The following NTRK3 variants were observed in gnomAD, a reference collection of about 807,000 sequenced individuals.
NTRK3 encodes the protein NT-3 growth factor receptor.
Under a neutral mutation model 91.7 loss-of-function variants are expected in NTRK3, and 24 were observed. That is an observed-to-expected ratio of 0.26 (90% CI 0.19 to 0.37). The LOEUF (loss-of-function observed/expected upper bound fraction) is 0.37. Ranked by LOEUF, NTRK3 falls within the 10% of genes least tolerant of loss-of-function variation. The probability of loss-of-function intolerance (pLI) is 1.00; values close to 1 mark genes in which losing one functional copy is unlikely to be tolerated. For synonymous variants in NTRK3, 483 were observed against 404.0 expected, an observed-to-expected ratio of 1.20 and a Z score of -2.34; for missense variants, 880 against 1,068.9, an observed-to-expected ratio of 0.82 and a Z score of 2.46.
At chr15:88,108,872 C>T (rs1275773355) in intron 13 of NTRK3, among the ~76,000 whole-genome samples, 2 of 152,220 alleles carry the variant, frequency 1.3e-5, no homozygotes, top group Non-Finnish European at 2.9e-5. Flanking sequence ...TGCATCATAA[C>T]AAGATCCCCA....
intron 14 of NTRK3, among the ~76,000 whole-genome samples, chr15:88,012,981 G>C (rs1002034037): frequency 9.2e-5 from 14 of 152,168 alleles, no homozygotes; most frequent in African/African-American, 3.4e-4. Context: ...GAAGAACAAC[G>C]GTCTTCTGAA....
At chr15:87,906,400 A>G (rs1160753938) in intron 17 of NTRK3, among the ~76,000 whole-genome samples, 1 of 152,176 alleles carries the variant, frequency 6.6e-6, no homozygotes, top group Non-Finnish European at 1.5e-5. Context: ...GTCAGAGATT[A>G]AGGGACTTTC....
chr15:87,981,121 C>T, intron 14 of NTRK3: 2 of 1,534,344 alleles, frequency 1.3e-6, no homozygotes, highest in Non-Finnish European at 8.8e-7. Context: ...GTACCTCAGT[C>T]CACGAAATAT....
At chr15:88,209,289 C>T (rs555835257) in intron 3 of NTRK3, among the ~76,000 whole-genome samples, 33 of 152,250 alleles carry the variant, frequency 2.2e-4, no homozygotes, top group African/African-American at 7.5e-4. Context: ...GGCCAGCTGT[C>T]GGGGTCCTAA....
intron 13 of NTRK3, among the ~76,000 whole-genome samples, chr15:88,057,176 A>G (rs1348562522): frequency 1.3e-5 from 2 of 150,002 alleles, no homozygotes; most frequent in Admixed American, 1.3e-4. Flanking sequence ...CTCAAAAAAA[A>G]AAAAAAAGAA....
At chr15:87,923,405 G>A (rs1304260091) in intron 17 of NTRK3, among the ~76,000 whole-genome samples, 1 of 152,172 alleles carries the variant, frequency 6.6e-6, no homozygotes, top group Non-Finnish European at 1.5e-5. Flanking sequence ...GACATAGATA[G>A]ATGCCTAGCA....
chr15:88,206,658 G>GAAAA (rs758639696), intron 3 of NTRK3, among the ~76,000 whole-genome samples: 2 of 59,598 alleles, frequency 3.4e-5, no homozygotes, highest in East Asian at 6.0e-4. Context: ...ACTCCGTCTC[G>GAAAA]AAAAAAAAAA....
chr15:87,960,375 CT>C (rs1430460619), intron 14 of NTRK3, among the ~76,000 whole-genome samples: 1 of 151,984 alleles, frequency 6.6e-6, no homozygotes, highest in Non-Finnish European at 1.5e-5. Flanking sequence ...CTTTTATCTC[CT>C]TTTTTTTCCA....
At chr15:88,120,323 C>A (rs2052564513) in intron 13 of NTRK3, among the ~76,000 whole-genome samples, 2 of 152,142 alleles carry the variant, frequency 1.3e-5, no homozygotes, top group African/African-American at 4.8e-5. Context: ...TTAATAACCC[C>A]CAATCATAAT....
chr15:87,919,599 G>C (rs896511130), intron 17 of NTRK3, among the ~76,000 whole-genome samples: 2 of 152,196 alleles, frequency 1.3e-5, no homozygotes, highest in African/African-American at 4.8e-5. Context: ...GGAGGTATAG[G>C]AGTGCAAAGA....
intron 17 of NTRK3, among the ~76,000 whole-genome samples, chr15:87,891,961 T>A (rs2141576850): frequency 6.6e-6 from 1 of 152,270 alleles, no homozygotes; most frequent in African/African-American, 2.4e-5. Context: ...ATCCAGCGTG[T>A]ACTCAGGCAA....
chr15:87,900,455 A>T (rs577752892), intron 17 of NTRK3, among the ~76,000 whole-genome samples: 1 of 152,212 alleles, frequency 6.6e-6, no homozygotes, highest in Non-Finnish European at 1.5e-5. Flanking sequence ...TTCTTGTCCC[A>T]GTTCTACTAG....
At position 87,889,396 on chromosome 15, in the gene NTRK3, CT is replaced by C. The variant is rs568030482; in HGVS notation, c.2134-8969del. ...ACCATGCTCGTTAGTTTATTAGTTC[CT>C]TTTTTTTTTTTTTTTTTTTTTTTTG... On this transcript the variant is annotated intron_variant, in intron 17 of 18. Transcript: ENST00000394480. Among the ~76,000 whole-genome samples the C allele has an allele frequency of 9.8e-3, 939 of 95,586 alleles. 1 individual carries two copies. The highest frequency in any genetic ancestry group is 0.029 in the African/African-American group (599 of 20,336). The allele number at this position is 95,586 out of a possible 152,430, so 62.7% of individuals were successfully genotyped here.
chr15:87,867,423 C>A, exon 19 of NTRK3: 1 of 229,808 alleles, frequency 4.4e-6, no homozygotes, highest in Non-Finnish European at 8.6e-6. Context: ...TGCCATAAAA[C>A]AAAAATGGGA....
intron 14 of NTRK3, among the ~76,000 whole-genome samples, chr15:88,016,345 A>G (rs1259183904): frequency 6.6e-6 from 1 of 152,242 alleles, no homozygotes; most frequent in Admixed American, 6.5e-5. Flanking sequence ...CCCTGAGGAT[A>G]TGTAAGGAGA....
At chr15:88,239,393 C>T (rs1292614449) in intron 3 of NTRK3, among the ~76,000 whole-genome samples, 2 of 151,630 alleles carry the variant, frequency 1.3e-5, no homozygotes. Flanking sequence ...CTCAACTACA[C>T]CTTGGGGGCA....
chr15:88,247,570 C>A (rs2052957409), intron 3 of NTRK3, among the ~76,000 whole-genome samples: 1 of 152,146 alleles, frequency 6.6e-6, no homozygotes, highest in African/African-American at 2.4e-5. Flanking sequence ...CAGAGCCTAG[C>A]GAATACATCA....
chr15:88,133,601 G>A lies in NTRK3; in HGVS notation c.1204+1500C>T, dbSNP rs575707704. 2.0e-4 allele frequency among the ~76,000 whole-genome samples: 31 copies of A among 152,274 alleles called. No individual in the cohort carries two copies. In the East Asian group the frequency reaches 5.0e-3, roughly 25 times the overall value. Reference sequence around the variant, plus strand: ...CTAATCAGGCCACAGGCAGGGCAACGTTTCAGTCTTTTATGTCAACAAGAC... The same window carrying A: ...CTAATCAGGCCACAGGCAGGGCAACATTTCAGTCTTTTATGTCAACAAGAC... On this transcript the variant is annotated intron_variant, in intron 10 of 18. Transcript: ENST00000394480.
At chr15:88,084,604 C>T (rs542417631) in intron 13 of NTRK3, among the ~76,000 whole-genome samples, 11 of 152,332 alleles carry the variant, frequency 7.2e-5, no homozygotes, top group South Asian at 2.1e-4. Flanking sequence ...AGCCAGAGAG[C>T]TGGAAGAATG....
Sources: allele counts gnomAD v4.1 joint callset (sites outside exome capture counted in the v4.1 genomes callset), GRCh38; gene constraint gnomAD v4.1.1; transcripts MANE v1.5; gene names NCBI Gene and HGNC (gene_info 2026-07-23, HGNC 2026-07-21).